The following LHFPL3 variants were observed in gnomAD, a reference collection of about 807,000 sequenced individuals.
The protein encoded by LHFPL3 is LHFPL tetraspan subfamily member 3.
In LHFPL3, 5 loss-of-function variants were observed where a neutral mutation model predicts 19.3. The ratio of observed to expected loss-of-function variants is 0.26; its 90% CI spans 0.14 to 0.54. The LOEUF (loss-of-function observed/expected upper bound fraction) is 0.54, where lower values mean the gene tolerates loss of function less well. Among genes scored for constraint, LHFPL3 ranks in the 20% least tolerant of loss-of-function variants. LHFPL3 has a pLI of 0.94. For missense variants in LHFPL3, 249 were observed against 307.4 expected, an observed-to-expected ratio of 0.81 and a Z score of 1.42; for synonymous variants, 133 against 126.2, an observed-to-expected ratio of 1.05 and a Z score of -0.36.
chr7:104,878,804 G>A (rs1417822595), intron 2 of LHFPL3, among the ~76,000 whole-genome samples: 25 of 152,162 alleles, frequency 1.6e-4, no homozygotes, highest in Non-Finnish European at 1.5e-5. Flanking sequence ...CTTCTTGAAG[G>A]AAATGGAAAG....
chr7:104,579,296 A>G (rs1790407175), intron 1 of LHFPL3, among the ~76,000 whole-genome samples: 1 of 152,008 alleles, frequency 6.6e-6, no homozygotes, highest in African/African-American at 2.4e-5. Context: ...TAGATTTTCA[A>G]CCCTTACCCT....
intron 1 of LHFPL3, among the ~76,000 whole-genome samples, chr7:104,474,684 CAACAAAAA>C (rs1184219808): frequency 2.8e-5 from 2 of 70,818 alleles, no homozygotes; most frequent in African/African-American, 5.9e-5. Context: ...ACAACAACAA[CAACAAAAA>C]AAAAAAAAAA....
chr7:104,572,029 G>A (rs1017333475), intron 1 of LHFPL3, among the ~76,000 whole-genome samples: 7 of 152,230 alleles, frequency 4.6e-5, no homozygotes, highest in Admixed American at 1.3e-4. Context: ...CCTTCTGGTC[G>A]TCAGTCTGTT....
chr7:104,780,235 A>T (rs1794696506), intron 2 of LHFPL3, among the ~76,000 whole-genome samples: 1 of 151,948 alleles, frequency 6.6e-6, no homozygotes, highest in Admixed American at 6.5e-5. Context: ...CCCAGGAACG[A>T]AGAAGCCTTG....
chr7:104,430,370 GTATATATATATACATATA>G, intron 1 of LHFPL3, among the ~76,000 whole-genome samples: 1 of 61,430 alleles, frequency 1.6e-5, no homozygotes, highest in Admixed American at 2.6e-4. Context: ...ATTTCTGTGG[GTATATATATATACATATA>G]TATATATATA....
intron 2 of LHFPL3, among the ~76,000 whole-genome samples, chr7:104,760,321 T>C (rs974866312): frequency 6.6e-6 from 1 of 152,232 alleles, no homozygotes; most frequent in African/African-American, 2.4e-5. Context: ...CAGCTAAAGA[T>C]GGCTACCAAG....
intron 2 of LHFPL3, among the ~76,000 whole-genome samples, chr7:104,864,498 C>T (rs1458857309): frequency 6.6e-6 from 1 of 152,224 alleles, no homozygotes; most frequent in African/African-American, 2.4e-5. Flanking sequence ...GAGTCCTACG[C>T]CCAATGTGCC....
At chr7:104,845,269 A>C (rs2116600389) in intron 2 of LHFPL3, 1 of 711,030 alleles carries the variant, frequency 1.4e-6, no homozygotes, top group Non-Finnish European at 2.5e-6. Context: ...ATGTCTCTGC[A>C]CACCGTCAAT....
intron 1 of LHFPL3, among the ~76,000 whole-genome samples, chr7:104,342,497 T>G (rs892313905): frequency 2.0e-5 from 3 of 152,126 alleles, no homozygotes; most frequent in Admixed American, 2.0e-4. Flanking sequence ...CTCTGTTTCC[T>G]TAAATAAAAC....
intron 1 of LHFPL3, among the ~76,000 whole-genome samples, chr7:104,612,698 C>A (rs1791234043): frequency 6.6e-6 from 1 of 152,148 alleles, no homozygotes; most frequent in Admixed American, 6.6e-5. Flanking sequence ...TGCCGCTCAG[C>A]TGATTAATCA....
chr7:104,579,925 C>A (rs1394397517), intron 1 of LHFPL3, among the ~76,000 whole-genome samples: 5 of 152,174 alleles, frequency 3.3e-5, no homozygotes, highest in Non-Finnish European at 7.4e-5. Flanking sequence ...GAGGTTGAGG[C>A]TTAAGTCTCC....
At chr7:104,562,968 G>T (rs566504063) in intron 1 of LHFPL3, among the ~76,000 whole-genome samples, 27 of 152,262 alleles carry the variant, frequency 1.8e-4, no homozygotes, top group Non-Finnish European at 3.1e-4. Context: ...GCCTCTGCTG[G>T]GGGGTGCTTG....
chr7:104,742,130 A>C (rs989404955), intron 2 of LHFPL3, among the ~76,000 whole-genome samples: 3 of 152,248 alleles, frequency 2.0e-5, no homozygotes, highest in Non-Finnish European at 4.4e-5. Flanking sequence ...TTGAAATGAA[A>C]GCTTCATTTT....
chr7:104,840,440 T>C (rs1054973212), intron 2 of LHFPL3, among the ~76,000 whole-genome samples: 2 of 148,626 alleles, frequency 1.3e-5, no homozygotes, highest in African/African-American at 2.5e-5. Flanking sequence ...TAGCTGGGAC[T>C]ACTGGCACAT....
At chr7:104,365,704 C>A (rs1213936503) in intron 1 of LHFPL3, among the ~76,000 whole-genome samples, 2 of 144,266 alleles carry the variant, frequency 1.4e-5, no homozygotes, top group Non-Finnish European at 3.0e-5. Context: ...TGGCGTGAAC[C>A]CGGGAAGCAG....
chr7:104,569,481 GA>G (rs1324708980), intron 1 of LHFPL3, among the ~76,000 whole-genome samples: 3 of 152,128 alleles, frequency 2.0e-5, no homozygotes, highest in African/African-American at 7.2e-5. Context: ...TATTTGGGGG[GA>G]GGGGTAAAAA....
chr7:104,367,079 A>G (rs1790509086), intron 1 of LHFPL3, among the ~76,000 whole-genome samples: 2 of 152,204 alleles, frequency 1.3e-5, no homozygotes, highest in Non-Finnish European at 2.9e-5. Context: ...CTCTGGCTCC[A>G]TTAGTCTGCC....
intron 1 of LHFPL3, among the ~76,000 whole-genome samples, chr7:104,396,693 A>G (rs1305314242): frequency 6.6e-6 from 1 of 151,686 alleles, no homozygotes; most frequent in Non-Finnish European, 1.5e-5. Flanking sequence ...GCAGTGGCTC[A>G]TGCATGTCAT....
intron 1 of LHFPL3, among the ~76,000 whole-genome samples, chr7:104,583,225 T>A (rs1790496697): frequency 6.6e-6 from 1 of 152,128 alleles, no homozygotes; most frequent in Non-Finnish European, 1.5e-5. Context: ...ATTCCCTATT[T>A]AATAAATGGT....
Sources: allele counts gnomAD v4.1 joint callset (sites outside exome capture counted in the v4.1 genomes callset), GRCh38; gene constraint gnomAD v4.1.1; transcripts MANE v1.5; gene names NCBI Gene and HGNC (gene_info 2026-07-23, HGNC 2026-07-21).